PRKN: variants seen among roughly 807,000 people sequenced by gnomAD.
PRKN encodes parkin RBR E3 ubiquitin protein ligase.
In PRKN, 56 loss-of-function variants were observed where a neutral mutation model predicts 59.5. That is an observed-to-expected ratio of 0.94 (90% CI 0.76 to 1.18). The LOEUF is 1.18. Among genes scored for constraint, PRKN ranks in the 50% most tolerant of loss-of-function variants. PRKN has a pLI of 0.00. For synonymous variants in PRKN, 250 were observed against 222.1 expected (o/e 1.13, Z -1.12); for missense variants, 657 against 596.4 (o/e 1.10, Z -1.06).
chr6:162,405,866 G>A (rs904417786), intron 2 of PRKN, among the ~76,000 whole-genome samples: 2 of 152,110 alleles, frequency 1.3e-5, no homozygotes, highest in African/African-American at 4.8e-5. Flanking sequence ...CTCCAGACCT[G>A]GGAGAACATA....
intron 2 of PRKN, among the ~76,000 whole-genome samples, chr6:162,371,350 T>C (rs181494840): frequency 6.6e-6 from 1 of 152,264 alleles, no homozygotes; most frequent in Non-Finnish European, 1.5e-5. Flanking sequence ...TCAGAGTCTC[T>C]TGGTGACTCA....
intron 6 of PRKN, among the ~76,000 whole-genome samples, chr6:161,835,448 T>A (rs1792709936): frequency 6.6e-6 from 1 of 152,216 alleles, no homozygotes; most frequent in Non-Finnish European, 1.5e-5. Context: ...TTTGTCACTC[T>A]GGGAGTTACA....
intron 9 of PRKN, among the ~76,000 whole-genome samples, chr6:161,438,908 G>T (rs1200199348): frequency 6.6e-6 from 1 of 152,074 alleles, no homozygotes; most frequent in Non-Finnish European, 1.5e-5. Context: ...AAGCACATGA[G>T]AGGCTTAAAA....
intron 2 of PRKN, among the ~76,000 whole-genome samples, chr6:162,308,046 T>G (rs1352428947): frequency 6.6e-6 from 1 of 152,162 alleles, no homozygotes; most frequent in African/African-American, 2.4e-5. Context: ...GCAGGATCCT[T>G]TCTAATAAGA....
At chr6:161,933,557 T>A (rs1455589071) in intron 6 of PRKN, among the ~76,000 whole-genome samples, 4 of 152,192 alleles carry the variant, frequency 2.6e-5, no homozygotes, top group Non-Finnish European at 5.9e-5. Flanking sequence ...TGAAAATAAC[T>A]TTGGTGTCAC....
At chr6:161,539,438 C>T (rs970013964) in intron 9 of PRKN, among the ~76,000 whole-genome samples, 7 of 106,406 alleles carry the variant, frequency 6.6e-5, no homozygotes, top group Non-Finnish European at 1.5e-4. Context: ...GGAACAGCAG[C>T]GAGCCTTCAC....
chr6:162,606,861 T>C (rs1022054484), intron 1 of PRKN, among the ~76,000 whole-genome samples: 1 of 152,106 alleles, frequency 6.6e-6, no homozygotes, highest in Admixed American at 6.6e-5. Flanking sequence ...GGATTGCATA[T>C]GTCATCACGG....
chr6:162,568,577 GA>G (rs1780183872), intron 1 of PRKN: 37 of 353,760 alleles, frequency 1.0e-4, no homozygotes, highest in Admixed American at 6.6e-4. Context: ...AGGAGCAGGA[GA>G]AGGAGAAGGA....
intron 7 of PRKN, among the ~76,000 whole-genome samples, chr6:161,640,110 A>G (rs2315546): frequency 0.68 from 103,026 of 152,114 alleles, 36,846 homozygotes; most frequent in African/African-American, 0.92. Context: ...TTCTTCTTTC[A>G]CACTTTTTGT....
At chr6:162,652,989 T>G (rs1778502930) in intron 1 of PRKN, among the ~76,000 whole-genome samples, 1 of 152,182 alleles carries the variant, frequency 6.6e-6, no homozygotes, top group Non-Finnish European at 1.5e-5. Flanking sequence ...TAGCATCTTT[T>G]CCTTTAGAAA....
chr6:162,567,078 T>C (rs7745790), intron 1 of PRKN, among the ~76,000 whole-genome samples: 80,736 of 151,876 alleles, frequency 0.53, 21,769 homozygotes, highest in East Asian at 0.72. Context: ...TGATAAAAAT[T>C]CTCAAAATAC....
intron 1 of PRKN, among the ~76,000 whole-genome samples, chr6:162,625,799 C>T (rs942763629): frequency 5.3e-5 from 8 of 152,042 alleles, no homozygotes; most frequent in African/African-American, 1.9e-4. Context: ...AATTAATACA[C>T]ATCTCATAGT....
At chr6:162,083,963 TC>T (rs1779159765) in intron 4 of PRKN, among the ~76,000 whole-genome samples, 1 of 152,068 alleles carries the variant, frequency 6.6e-6, no homozygotes. Flanking sequence ...TTAATATTTT[TC>T]CAGGGACACT....
chr6:161,890,676 C>T (rs1795310351), intron 6 of PRKN, among the ~76,000 whole-genome samples: 1 of 152,100 alleles, frequency 6.6e-6, no homozygotes, highest in Non-Finnish European at 1.5e-5. Context: ...AGGGATTTAC[C>T]CTGGGAAAAG....
intron 1 of PRKN, among the ~76,000 whole-genome samples, chr6:162,492,680 G>A (rs547976697): frequency 2.4e-4 from 36 of 151,488 alleles, no homozygotes; most frequent in Middle Eastern, 3.4e-3. Flanking sequence ...GGCCGGGCGC[G>A]GTGGCTCACG....
At chr6:161,366,198 G>A (rs939858257) in intron 10 of PRKN, among the ~76,000 whole-genome samples, 1 of 152,160 alleles carries the variant, frequency 6.6e-6, no homozygotes, top group African/African-American at 2.4e-5. Context: ...GATGCAGTGA[G>A]ATGCCAGCAG....
intron 2 of PRKN, among the ~76,000 whole-genome samples, chr6:162,349,295 A>G (rs1278704389): frequency 6.6e-6 from 1 of 152,034 alleles, no homozygotes; most frequent in East Asian, 1.9e-4. Flanking sequence ...TGGTGAAACC[A>G]TCTCTACTAA....
chr6:161,809,499 G>A (rs1246276772), intron 6 of PRKN, among the ~76,000 whole-genome samples: 1 of 152,140 alleles, frequency 6.6e-6, no homozygotes, highest in African/African-American at 2.4e-5. Context: ...TAGAAATAAA[G>A]CGACAAAAAA....
Position 161,414,927 on chromosome 6 carries a change from G to A in PRKN, c.1084-28050C>T, listed in dbSNP as rs941495308. Among the ~76,000 whole-genome samples, 2 of 152,208 alleles carry A rather than the reference G, an allele frequency of 1.3e-5. No homozygotes were observed. The highest frequency in any genetic ancestry group is 4.8e-5 in the African/African-American group (2 of 41,428). On this transcript the variant is annotated intron_variant, in intron 9 of 11. Transcript: ENST00000366898. The surrounding 1 kb of genome is among the most constrained non-coding windows in gnomAD (Gnocchi z 5.3). ...CCTTTTGAAAGGGAGCTAGGCATAG[G>A]AGGAATTCACTTTCTTCCACCTACA...
Sources: allele counts gnomAD v4.1 joint callset (sites outside exome capture counted in the v4.1 genomes callset), GRCh38; gene constraint gnomAD v4.1.1; non-coding constraint Gnocchi (gnomAD v3.1); transcripts MANE v1.5; gene names NCBI Gene and HGNC (gene_info 2026-07-23, HGNC 2026-07-21).